The following KANSL2 variants were observed in gnomAD, a reference collection of about 807,000 sequenced individuals.
The protein encoded by KANSL2 is KAT8 regulatory NSL complex subunit 2, also known as NSL complex protein NSL2.
Under a neutral mutation model 55.6 loss-of-function variants are expected in KANSL2, and 34 were observed. That is an observed-to-expected ratio of 0.61 (90% CI 0.46 to 0.81). The LOEUF (loss-of-function observed/expected upper bound fraction) is 0.81, where lower values mean the gene tolerates loss of function less well. Among genes scored for constraint, KANSL2 ranks in the 40% least tolerant of loss-of-function variants. The pLI is 0.00. For missense variants in KANSL2, 502 were observed against 609.9 expected (o/e 0.82, Z 1.86); for synonymous variants, 209 against 214.3 (o/e 0.98, Z 0.22).
chr12:48,656,647 A>G (rs754526097), intron 8 of KANSL2: 49 of 484,206 alleles, frequency 1.0e-4, no homozygotes, highest in Non-Finnish European at 1.8e-4. Context: ...TACATTCTAG[A>G]CTATGTTTCT....
rs569069341 is a variant in KANSL2, at chr12:48,659,988, G to A, written c.1227+378C>T. 8.4e-4 allele frequency among the ~76,000 whole-genome samples: 128 copies of A among 152,264 alleles called. 1 individual carries two copies. The highest frequency in any genetic ancestry group is 1.4e-3 in the Non-Finnish European group (95 of 68,030). ...GATTCATCGTGGCCAGGGGCTGAGG[G>A]GAGAAGAAAATGAAGAGTGTCATAA... On this transcript the variant is annotated intron_variant, in intron 8 of 9. Coordinates refer to ENST00000420613, the MANE Select transcript of KANSL2 (RefSeq NM_017822.4).
intron 6 of KANSL2, 109 bp downstream of exon 6, chr12:48,668,997 T>G (rs1939655324): frequency 5.1e-6 from 4 of 776,956 alleles, no homozygotes; most frequent in Admixed American, 7.9e-5. Flanking sequence ...TGAGCCGACA[T>G]CGCACCACTG....
At chr12:48,672,435 T>TATA (rs1418549166) in intron 4 of KANSL2, among the ~76,000 whole-genome samples, 43 of 104,902 alleles carry the variant, frequency 4.1e-4, no homozygotes, top group East Asian at 2.9e-3. Context: ...ATATATATAT[T>TATA]TTTTTTTTGA....
At position 48,679,717 on chromosome 12, in the gene KANSL2, G is replaced by A; in HGVS notation, c.368C>T (p.Ala123Val). ...AGTCTGAGACCCCAGCTCTGTCTTA[G>A]CATATGAGCTCAGCTGGCACAGGAG... is the stretch of plus-strand genomic sequence containing the variant. ...ETLLCQLSSYAKTELGSQTPE... is the reference protein window; with the variant it reads ...ETLLCQLSSYVKTELGSQTPE... The change falls in exon 3 of 10, where the codon GCT (alanine) becomes GTT (valine). Residue 123 changes from alanine to valine, a missense_variant. Transcript: ENST00000420613. 3 of 1,613,070 alleles carry A rather than the reference G, an allele frequency of 1.9e-6. No homozygotes were observed. In the South Asian group the frequency reaches 3.3e-5, roughly 18 times the overall value.
chr12:48,679,271 A>G (rs777275693), intron 3 of KANSL2, 121 bp from the exon 4 acceptor site: 1 of 748,628 alleles, frequency 1.3e-6, no homozygotes, highest in Non-Finnish European at 2.3e-6. Context: ...AAAAAAAAAA[A>G]CACTTAGTAC....
intron 7 of KANSL2, chr12:48,662,772 T>G: frequency 1.9e-6 from 1 of 514,466 alleles, no homozygotes; most frequent in South Asian, 2.8e-5. Context: ...TCAATTTTGC[T>G]TTATATTTAT....
chr12:48,676,297 T>C (rs1025774763), intron 4 of KANSL2, among the ~76,000 whole-genome samples: 5 of 152,034 alleles, frequency 3.3e-5, no homozygotes, highest in Non-Finnish European at 7.4e-5. Context: ...GTAGAGACGG[T>C]GTCTCCCTAT....
intron 5 of KANSL2, among the ~76,000 whole-genome samples, chr12:48,670,260 A>C (rs1405490616): frequency 6.6e-6 from 1 of 152,044 alleles, no homozygotes; most frequent in East Asian, 1.9e-4. Context: ...TCGATAATAA[A>C]CAACTATGTT....
chr12:48,673,217 G>A (rs1939759751), intron 4 of KANSL2, among the ~76,000 whole-genome samples: 1 of 152,010 alleles, frequency 6.6e-6, no homozygotes, highest in Non-Finnish European at 1.5e-5. Flanking sequence ...CCAAAGATCT[G>A]GCACGGATCC....
chr12:48,667,099 G>A lies in KANSL2; in HGVS notation c.973+594C>T, dbSNP rs560868253. Among the ~76,000 whole-genome samples, 8 of 151,670 alleles carry A rather than the reference G, an allele frequency of 5.3e-5. No individual in the cohort carries two copies. In the South Asian group the frequency reaches 8.3e-4, roughly 16 times the overall value. On this transcript the variant is annotated intron_variant, in intron 7 of 9. Coordinates refer to ENST00000420613, the MANE Select transcript of KANSL2 (RefSeq NM_017822.4). The stretch of plus-strand genomic sequence containing the variant: ...GGAGAATCGCTTGAACTCGGGAGGC[G>A]GAGGGTGCAGTGAGGTGGAGGTTGC...
chr12:48,655,967 C>A (rs528010035), intron 8 of KANSL2, among the ~76,000 whole-genome samples: 1 of 152,216 alleles, frequency 6.6e-6, no homozygotes, highest in East Asian at 1.9e-4. Context: ...TGTTTTACTA[C>A]AATTAAAAAA....
At chr12:48,661,221 TAC>T (rs1676589977) in intron 7 of KANSL2, 2 of 972,838 alleles carry the variant, frequency 2.1e-6, no homozygotes, top group South Asian at 9.6e-5. Flanking sequence ...AGTGTGCTAG[TAC>T]AGAGGAATCC....
chr12:48,681,803 G>A (rs1318090698), intron 1 of KANSL2, 162 bp from the exon 2 acceptor site: 2 of 852,080 alleles, frequency 2.3e-6, no homozygotes, highest in Non-Finnish European at 3.9e-6. Flanking sequence ...AGGCATCTGT[G>A]GCTTTGCCTC....
chr12:48,681,933 C>A (rs532395788), intron 1 of KANSL2: 1 of 703,208 alleles, frequency 1.4e-6, no homozygotes, highest in Non-Finnish European at 2.6e-6. Flanking sequence ...ACGCGGCGGC[C>A]ACGCCGCCTC....
At chr12:48,679,615 T>C (rs1939883978) in intron 3 of KANSL2, 40 bp downstream of exon 3, 2 of 1,578,940 alleles carry the variant, frequency 1.3e-6, no homozygotes, top group Middle Eastern at 1.7e-4. Context: ...CCCCCTTAAC[T>C]TTCTTCCTCC....
Position 48,671,969 on chromosome 12 carries a change from T to C in KANSL2, c.546-7A>G. ...TGTGTAGACACCAGCATGTCTGGAA[T>C]AAAACAGAATTCAGCAAAGCATAAG... On this transcript the variant is annotated splice_polypyrimidine_tract_variant and splice_region_variant and intron_variant, in intron 4 of 9. Transcript: ENST00000420613. 1 of 1,554,250 alleles carries C rather than the reference T, an allele frequency of 6.4e-7. No homozygotes were observed. Among genetic ancestry groups the C allele is most frequent in the Admixed American group, 2.0e-5 (1 of 49,122 alleles).
chr12:48,654,820 G>T, intron 9 of KANSL2, 121 bp downstream of exon 9: 1 of 968,156 alleles, frequency 1.0e-6, no homozygotes, highest in Non-Finnish European at 1.5e-6. Flanking sequence ...GACATGTGGA[G>T]CATCTTTATA....
At chr12:48,671,341 C>CT (rs777405371) in intron 5 of KANSL2, among the ~76,000 whole-genome samples, 11 of 149,696 alleles carry the variant, frequency 7.3e-5, no homozygotes, top group Admixed American at 6.0e-4. Flanking sequence ...ATTGAAGAAA[C>CT]TTTTTTTATA....
chr12:48,658,355 T>C (rs559653905), intron 8 of KANSL2, among the ~76,000 whole-genome samples: 1 of 152,316 alleles, frequency 6.6e-6, no homozygotes, highest in Admixed American at 6.5e-5. Flanking sequence ...GGGTTGTCTT[T>C]TATAAGATTT....
Sources: allele counts gnomAD v4.1 joint callset (sites outside exome capture counted in the v4.1 genomes callset), GRCh38; gene constraint gnomAD v4.1.1; transcripts MANE v1.5; gene names NCBI Gene and HGNC (gene_info 2026-07-23, HGNC 2026-07-21).